DNAH8: variants seen among roughly 807,000 people sequenced by gnomAD.
The protein encoded by DNAH8 is dynein axonemal heavy chain 8, also known as axonemal beta dynein heavy chain 8.
A neutral mutation model predicts 562.1 loss-of-function variants in DNAH8; 382 were observed. The observed-to-expected ratio is 0.68, with a 90% CI of 0.63 to 0.74. The LOEUF is 0.74. Among genes scored for constraint, DNAH8 ranks in the 30% least tolerant of loss-of-function variants. The probability of loss-of-function intolerance (pLI) is 0.00; values close to 1 mark genes in which losing one functional copy is unlikely to be tolerated. For synonymous variants in DNAH8, 1,881 were observed against 1,919.4 expected (o/e 0.98, Z 0.52); for missense variants, 5,203 against 5,620.4 (o/e 0.93, Z 2.37).
chr6:38,822,733 A>G, intron 26 of DNAH8, 105 bp from the exon 27 acceptor site: 1 of 890,374 alleles, frequency 1.1e-6, no homozygotes, highest in Admixed American at 3.5e-5. Context: ...TGGAGGGAGA[A>G]TCTTTAAGAA....
intron 86 of DNAH8, 45 bp downstream of exon 86, chr6:38,982,507 A>T (rs758382802): frequency 9.7e-7 from 1 of 1,027,778 alleles, no homozygotes; most frequent in South Asian, 1.3e-5. Flanking sequence ...TGCTCTTCTT[A>T]AATCAGGGTT....
intron 52 of DNAH8, 73 bp from the exon 53 acceptor site, chr6:38,875,518 T>G: frequency 2.2e-6 from 2 of 912,102 alleles, no homozygotes; most frequent in Non-Finnish European, 3.2e-6. Flanking sequence ...CTCCTTTTAA[T>G]TTTACTATTA....
chr6:38,991,266 T>C (rs1025452825), intron 88 of DNAH8, among the ~76,000 whole-genome samples: 2 of 152,168 alleles, frequency 1.3e-5, no homozygotes, highest in African/African-American at 4.8e-5. Flanking sequence ...TCTTCAAAGA[T>C]GCGGACATGA....
At chr6:38,772,239 AG>A (rs1767651416) in intron 12 of DNAH8, among the ~76,000 whole-genome samples, 1 of 152,014 alleles carries the variant, frequency 6.6e-6, no homozygotes, top group South Asian at 2.1e-4. Context: ...CGTGTTAACC[AG>A]GATGGTCTCG....
chr6:38,996,145 A>G (rs550229027), intron 88 of DNAH8, among the ~76,000 whole-genome samples: 1 of 152,142 alleles, frequency 6.6e-6, no homozygotes, highest in South Asian at 2.1e-4. Flanking sequence ...AAAGGCTGCA[A>G]AGCATGACTT....
chr6:38,850,183 A>G lies in DNAH8; in HGVS notation c.5200-68A>G, dbSNP rs889798907. The G allele has an allele frequency of 4.8e-6, 7 of 1,455,038 alleles. No homozygotes were observed. The Admixed American group carries it at 5.9e-5, about 12-fold the overall frequency. 90.1% of individuals were successfully genotyped at this position (1,455,038 alleles called of 1,614,324 possible). A position where few individuals can be genotyped will look rare whatever the true frequency, so the allele number is the denominator to read the frequency against. On this transcript the variant is annotated intron_variant, in intron 37 of 92. Transcript: ENST00000327475. ...GTTTGAAGAACTATAGAAAATTCCAAGGTGAAGACTTTGCTTTTTTTCAAT... is the reference window on the plus strand; with the variant it reads ...GTTTGAAGAACTATAGAAAATTCCAGGGTGAAGACTTTGCTTTTTTTCAAT...
chr6:38,813,991 A>G (rs916143263), intron 24 of DNAH8, 63 bp from the exon 25 acceptor site: 9 of 1,171,410 alleles, frequency 7.7e-6, no homozygotes, highest in Non-Finnish European at 1.1e-5. Context: ...ATTTTGTAGC[A>G]TAATAAACTA....
chr6:38,869,625 C>T (rs996438698), intron 48 of DNAH8, among the ~76,000 whole-genome samples: 2 of 152,188 alleles, frequency 1.3e-5, no homozygotes, highest in African/African-American at 4.8e-5. Context: ...GCTCAGAACA[C>T]TGCCCTGATG....
intron 66 of DNAH8, 79 bp from the exon 67 acceptor site, chr6:38,913,770 A>C (rs1388693292): frequency 4.0e-6 from 4 of 993,324 alleles, no homozygotes; most frequent in Non-Finnish European, 6.1e-6. Context: ...GTGCCTAATA[A>C]ATAGTAAACA....
chr6:39,008,482 G>A (rs541684170), intron 88 of DNAH8, among the ~76,000 whole-genome samples: 5 of 152,246 alleles, frequency 3.3e-5, no homozygotes, highest in African/African-American at 1.2e-4. Context: ...GTGAAAGGAG[G>A]TGTGCCCGCT....
chr6:38,797,861 T>A (rs763532144), intron 21 of DNAH8, among the ~76,000 whole-genome samples: 1 of 152,170 alleles, frequency 6.6e-6, no homozygotes, highest in Non-Finnish European at 1.5e-5. Flanking sequence ...CTCTGCTCAA[T>A]CAAGCCTACA....
intron 66 of DNAH8, 40 bp from the exon 67 acceptor site, chr6:38,913,809 C>G: frequency 7.1e-7 from 1 of 1,405,604 alleles, no homozygotes; most frequent in Non-Finnish European, 1.0e-6. Context: ...AAGGCATATA[C>G]CTGTACTCAG....
rs1196568176 is a variant in DNAH8, at chr6:39,012,596, G to A, written c.13673G>A (p.Arg4558Lys). Residue 4558 changes from arginine to lysine, a missense_variant, in exon 91 of 93, where the codon AGG (arginine) becomes AAG (lysine). By Grantham distance (26) the Arg-to-Lys change is conservative. Coordinates refer to ENST00000327475, the MANE Select transcript of DNAH8 (RefSeq NM_001206927.2). ...TTTTCTACGTGGATATTTGAAGGGAGGCCTAATGTGTTTTGGATGACTGGT... is the reference window on the plus strand; with the variant it reads ...TTTTCTACGTGGATATTTGAAGGGAAGCCTAATGTGTTTTGGATGACTGGT... ...AQFSTWIFEG[R>K]PNVFWMTGFF... 1.2e-6 allele frequency: 2 copies of A among 1,614,042 alleles called. No individual in the cohort carries two copies. The highest frequency in any genetic ancestry group is 1.7e-6 in the Non-Finnish European group (2 of 1,179,928).
At chr6:38,888,633 A>T (rs1779125419) in intron 57 of DNAH8, among the ~76,000 whole-genome samples, 1 of 152,248 alleles carries the variant, frequency 6.6e-6, no homozygotes, top group Non-Finnish European at 1.5e-5. Flanking sequence ...CAAAGTAAAG[A>T]TGGTAAACAT....
At chr6:38,948,235 G>A (rs1020209109) in intron 80 of DNAH8, among the ~76,000 whole-genome samples, 1 of 152,196 alleles carries the variant, frequency 6.6e-6, no homozygotes, top group Non-Finnish European at 1.5e-5. Flanking sequence ...GGTCATAGAG[G>A]AAAAAGTGTA....
chr6:38,999,343 G>A (rs902793802), intron 88 of DNAH8, among the ~76,000 whole-genome samples: 1 of 151,900 alleles, frequency 6.6e-6, no homozygotes, highest in Non-Finnish European at 1.5e-5. Context: ...ACACTTCCAC[G>A]GAGGGCTCAA....
chr6:38,855,351 G>T (rs143423815), intron 41 of DNAH8, among the ~76,000 whole-genome samples: 2 of 152,106 alleles, frequency 1.3e-5, no homozygotes, highest in East Asian at 1.9e-4. Flanking sequence ...CGTTCTGCAC[G>T]TGTATTCCGA....
chr6:38,974,255 C>G (rs1411633728), intron 84 of DNAH8, 119 bp from the exon 85 acceptor site: 1 of 814,448 alleles, frequency 1.2e-6, no homozygotes, highest in East Asian at 2.8e-5. Flanking sequence ...ATCTGAAATT[C>G]AAAACACTTC....
At chr6:38,883,502 A>G in intron 55 of DNAH8, 46 bp downstream of exon 55, 1 of 1,535,698 alleles carries the variant, frequency 6.5e-7, no homozygotes, top group South Asian at 1.2e-5. Context: ...AATACATTTT[A>G]AATTAGTGGT....
Sources: allele counts gnomAD v4.1 joint callset (sites outside exome capture counted in the v4.1 genomes callset), GRCh38; gene constraint gnomAD v4.1.1; transcripts MANE v1.5; gene names NCBI Gene and HGNC (gene_info 2026-07-23, HGNC 2026-07-21).